Variants in MCTP1 observed in about 807,000 individuals in gnomAD.
The protein encoded by MCTP1 is multiple C2 and transmembrane domain-containing protein 1.
Under a neutral mutation model 120.6 loss-of-function variants are expected in MCTP1, and 69 were observed. The ratio of observed to expected loss-of-function variants is 0.57; its 90% confidence interval spans 0.47 to 0.70. MCTP1 has a LOEUF of 0.70. Ranked by LOEUF, MCTP1 falls within the 30% of genes least tolerant of loss-of-function variation. MCTP1 has a pLI of 0.00. For missense variants in MCTP1, 1,203 were observed against 1,248.8 expected (o/e 0.96, Z 0.55); for synonymous variants, 529 against 493.1 (o/e 1.07, Z -0.96).
intron 17 of MCTP1, among the ~76,000 whole-genome samples, chr5:94,835,408 A>T (rs1789515240): frequency 6.6e-6 from 1 of 152,232 alleles, no homozygotes; most frequent in Admixed American, 6.5e-5. Context: ...TAACTTATCC[A>T]AAGTGAGAAA....
chr5:94,757,163 C>T (rs192864971), intron 19 of MCTP1, among the ~76,000 whole-genome samples: 8 of 152,222 alleles, frequency 5.3e-5, no homozygotes, highest in Non-Finnish European at 8.8e-5. Flanking sequence ...GCAAATAATT[C>T]CATGCACATG....
chr5:94,806,084 G>T (rs1782207734), intron 17 of MCTP1, among the ~76,000 whole-genome samples: 1 of 151,606 alleles, frequency 6.6e-6, no homozygotes, highest in African/African-American at 2.4e-5. Context: ...ACTAACAGCG[G>T]AAATGAGGTT....
chr5:94,928,464 T>C (rs1813729761), intron 6 of MCTP1, among the ~76,000 whole-genome samples: 1 of 152,204 alleles, frequency 6.6e-6, no homozygotes, highest in Non-Finnish European at 1.5e-5. Context: ...TCCAAAGCAC[T>C]ACCATTTCTC....
intron 1 of MCTP1, among the ~76,000 whole-genome samples, chr5:95,154,693 A>G (rs1258451974): frequency 6.6e-6 from 1 of 152,172 alleles, no homozygotes; most frequent in East Asian, 1.9e-4. Context: ...AAATGCCTAC[A>G]TGAACTGATT....
chr5:94,789,454 C>T (rs1012033766), intron 18 of MCTP1: 6 of 152,194 alleles, frequency 3.9e-5, no homozygotes, highest in African/African-American at 1.4e-4. Context: ...CACCATTCTA[C>T]CATTTTATCT....
intron 17 of MCTP1, among the ~76,000 whole-genome samples, chr5:94,805,609 C>T (rs1782106528): frequency 2.0e-5 from 3 of 152,216 alleles, no homozygotes; most frequent in African/African-American, 7.2e-5. Flanking sequence ...GCTTGGGCAA[C>T]AGAGCAAGAC....
intron 22 of MCTP1, chr5:94,708,225 G>T: frequency 4.3e-6 from 1 of 229,966 alleles, no homozygotes; most frequent in Admixed American, 5.3e-5. Context: ...CTCCCCTCAG[G>T]TCATACTCCC....
chr5:94,736,742 T>C (rs1764353788), intron 19 of MCTP1, among the ~76,000 whole-genome samples: 1 of 152,164 alleles, frequency 6.6e-6, no homozygotes, highest in South Asian at 2.1e-4. Context: ...GAACTCCTTC[T>C]GAGTCATTTT....
intron 1 of MCTP1, among the ~76,000 whole-genome samples, chr5:95,193,793 A>G (rs1750083957): frequency 6.6e-6 from 1 of 152,236 alleles, no homozygotes; most frequent in Non-Finnish European, 1.5e-5. Context: ...CAGGTAGATA[A>G]AATTTATCAC....
intron 17 of MCTP1, among the ~76,000 whole-genome samples, chr5:94,856,058 T>C (rs995690616): frequency 6.6e-6 from 1 of 151,756 alleles, no homozygotes; most frequent in Non-Finnish European, 1.5e-5. Flanking sequence ...ACTAAGAATA[T>C]TGTTAATATA....
At position 95,189,770 on chromosome 5, in the gene MCTP1, A is replaced by G. The variant is rs554508626; in HGVS notation, c.720+94086T>C. ...GTTAATGATGACTTTTAATTTGTACAGGCTATAATTTGCATATTTTTCCAT... is the reference window on the plus strand; with the variant it reads ...GTTAATGATGACTTTTAATTTGTACGGGCTATAATTTGCATATTTTTCCAT... On this transcript the variant is annotated intron_variant, in intron 1 of 22. Transcript: ENST00000515393. 2.0e-5 allele frequency among the ~76,000 whole-genome samples: 3 copies of G among 152,264 alleles called. No homozygotes were observed. In the East Asian group the frequency reaches 5.8e-4, roughly 29 times the overall value.
intron 1 of MCTP1, among the ~76,000 whole-genome samples, chr5:95,043,445 C>T (rs898057061): frequency 1.3e-5 from 2 of 152,066 alleles, no homozygotes; most frequent in African/African-American, 4.8e-5. Context: ...GTGACTTCCT[C>T]CCTAACCCCA....
At chr5:95,038,094 G>C in intron 1 of MCTP1, 1 of 983,356 alleles carries the variant, frequency 1.0e-6, no homozygotes, top group Non-Finnish European at 1.2e-6. Flanking sequence ...TCAAACATTC[G>C]AACAATCTCA....
At chr5:95,138,041 T>G (rs1759577579) in intron 1 of MCTP1, among the ~76,000 whole-genome samples, 1 of 152,196 alleles carries the variant, frequency 6.6e-6, no homozygotes, top group South Asian at 2.1e-4. Flanking sequence ...AAATGTGTTT[T>G]CAGATTACTT....
chr5:95,008,340 T>TC (rs1835178562), intron 2 of MCTP1, among the ~76,000 whole-genome samples: 2 of 152,210 alleles, frequency 1.3e-5, no homozygotes, highest in Non-Finnish European at 2.9e-5. Flanking sequence ...CTTAACCCCC[T>TC]CACCCCTTAC....
In MCTP1 at chr5:94,876,059, A is replaced by G. The variant is rs140758404; in HGVS notation, c.1934-2818T>C. 3.9e-4 allele frequency among the ~76,000 whole-genome samples: 60 copies of G among 152,264 alleles called. 1 individual carries two copies. Among genetic ancestry groups the G allele is most frequent in the African/African-American group, 1.4e-3 (57 of 41,566 alleles). On this transcript the variant is annotated intron_variant, in intron 12 of 22. Coordinates refer to ENST00000515393, the MANE Select transcript of MCTP1 (RefSeq NM_024717.7). The stretch of plus-strand genomic sequence containing the variant: ...AAATACTAGTAAATGTACAACATCA[A>G]ATTCTGCAAACTTACCACTAAAAAG...
At chr5:95,283,816 T>A (rs1760519069) in intron 1 of MCTP1, 40 bp downstream of exon 1, 2 of 1,308,742 alleles carry the variant, frequency 1.5e-6, no homozygotes, top group East Asian at 3.2e-5. Context: ...GGAGGCGTGG[T>A]CCCGCGCACC....
At chr5:95,038,022 G>T in intron 1 of MCTP1, 1 of 489,832 alleles carries the variant, frequency 2.0e-6, no homozygotes, top group Non-Finnish European at 2.7e-6. Context: ...GGCATAGCAT[G>T]TCAATGTGCC....
Position 94,868,419 on chromosome 5 carries a change from A to G in MCTP1, c.2350T>C (p.Cys784Arg), listed in dbSNP as rs750805434. Residue 784 changes from cysteine to arginine, a missense_variant, in exon 17 of 23, where the codon TGT becomes CGT. Transcript: ENST00000515393. ...LLRNFIRMKR[C>R]VMVLVNAAYY... The stretch of plus-strand genomic sequence containing the variant: ...GCAGCATTTACCAGCACCATGACAC[A>G]ACGTTTCATTCTGATAAAGTTTCTT... 68 of 1,606,096 alleles carry G rather than the reference A, an allele frequency of 4.2e-5. No individual in the cohort carries two copies. Among genetic ancestry groups the G allele is most frequent in the Non-Finnish European group, 5.3e-5 (62 of 1,176,238 alleles).
Sources: gnomAD v4.1 joint callset for allele counts (sites outside exome capture counted in the v4.1 genomes callset) on GRCh38, gnomAD v4.1.1 for gene constraint, MANE v1.5 for transcripts, NCBI Gene and HGNC (gene_info 2026-07-23, HGNC 2026-07-21) for gene names.